The following RASGRP1 variants were observed in gnomAD, a reference collection of about 807,000 sequenced individuals.
RASGRP1 encodes RAS guanyl releasing protein 1, also known as RAS guanyl-releasing protein 1.
A neutral mutation model predicts 95.1 loss-of-function variants in RASGRP1; 37 were observed. The observed-to-expected ratio is 0.39, with a 90% confidence interval of 0.30 to 0.51. The LOEUF (loss-of-function observed/expected upper bound fraction) is 0.51. RASGRP1 is among the 20% of genes least tolerant of loss of function. The pLI is 0.80. For missense variants in RASGRP1, 711 were observed against 965.4 expected (o/e 0.74, Z 3.49); for synonymous variants, 325 against 353.4 (o/e 0.92, Z 0.90).
At chr15:38,497,283 T>G (rs567163503) in intron 15 of RASGRP1, among the ~76,000 whole-genome samples, 41 of 152,156 alleles carry the variant, frequency 2.7e-4, no homozygotes, top group Non-Finnish European at 5.4e-4. Context: ...CATGTTACCC[T>G]TTTTTAAATA....
intron 11 of RASGRP1, 119 bp downstream of exon 11, chr15:38,503,153 G>A: frequency 1.3e-6 from 1 of 745,822 alleles, no homozygotes; most frequent in East Asian, 2.7e-5. Flanking sequence ...AGAGAAGTAA[G>A]TGGTTCAAGT....
In RASGRP1 at chr15:38,536,283, C is replaced by A. The variant is rs576643826; in HGVS notation, c.221-9879G>T. On this transcript the variant is annotated intron_variant, in intron 2 of 16. Transcript: ENST00000310803. Reference sequence around the variant, plus strand: ...GCAAGGGAAGAAGGAGCAGCGGGGCCCTGTCCTAGCTTCCCAGAAGGACAC... The same window carrying A: ...GCAAGGGAAGAAGGAGCAGCGGGGCACTGTCCTAGCTTCCCAGAAGGACAC... Among the ~76,000 whole-genome samples the A allele has an allele frequency of 7.2e-5, 11 of 152,300 alleles. No homozygotes were observed. In the East Asian group the frequency reaches 1.9e-3, roughly 27 times the overall value.
At chr15:38,545,866 A>G (rs989778105) in intron 2 of RASGRP1, among the ~76,000 whole-genome samples, 1 of 152,228 alleles carries the variant, frequency 6.6e-6, no homozygotes, top group African/African-American at 2.4e-5. Context: ...TTGGATTTCC[A>G]TCATTGTCCT....
At chr15:38,552,338 A>C (rs1427668123) in intron 2 of RASGRP1, among the ~76,000 whole-genome samples, 1 of 152,234 alleles carries the variant, frequency 6.6e-6, no homozygotes, top group Non-Finnish European at 1.5e-5. Context: ...TAGAAGTCTC[A>C]GCTTTTAGGG....
chr15:38,501,024 GTGTC>G lies in RASGRP1; in HGVS notation c.1683+115_1683+118del, dbSNP rs1480357410. On this transcript the variant is annotated intron_variant, in intron 13 of 16. Transcript: ENST00000310803. ...ACGCTTGAGCTCTAGGTTATTCTAG[GTGTC>G]TGTCTGGGCTCCAAGCTGGGATGGG... 16 of 1,177,724 alleles carry G rather than the reference GTGTC, an allele frequency of 1.4e-5. No homozygotes were observed. The African/African-American group carries it at 1.5e-4, about 11-fold the overall frequency. 73.0% of individuals were successfully genotyped at this position (1,177,724 alleles called of 1,614,324 possible).
At chr15:38,556,660 T>C (rs1893565203) in intron 2 of RASGRP1, among the ~76,000 whole-genome samples, 1 of 152,256 alleles carries the variant, frequency 6.6e-6, no homozygotes, top group African/African-American at 2.4e-5. Context: ...TTTGTGGCTA[T>C]TGCACACTTC....
At chr15:38,510,003 A>G (rs1338370274) in intron 8 of RASGRP1, among the ~76,000 whole-genome samples, 3 of 152,170 alleles carry the variant, frequency 2.0e-5, no homozygotes, top group Non-Finnish European at 2.9e-5. Flanking sequence ...ACCTCTACCA[A>G]TGGTGCAGGT....
chr15:38,540,815 C>T lies in RASGRP1; in HGVS notation c.221-14411G>A, dbSNP rs1221967350. ...AAACTTAGGTTAAAATTCAAAAAGC[C>T]TTTTTAGGTTTTTGTTTTATTTAGC... On this transcript the variant is annotated intron_variant, in intron 2 of 16. Coordinates refer to ENST00000310803, the MANE Select transcript of RASGRP1 (RefSeq NM_005739.4). Among the ~76,000 whole-genome samples, 4 of 152,180 alleles carry T rather than the reference C, an allele frequency of 2.6e-5. No homozygotes were observed. In the South Asian group the frequency reaches 6.2e-4, roughly 24 times the overall value.
intron 2 of RASGRP1, among the ~76,000 whole-genome samples, chr15:38,531,884 G>C (rs1420355422): frequency 6.6e-6 from 1 of 152,102 alleles, no homozygotes; most frequent in African/African-American, 2.4e-5. Flanking sequence ...ATAAGCTCCA[G>C]CTCTATACAA....
intron 1 of RASGRP1, among the ~76,000 whole-genome samples, chr15:38,562,143 C>T (rs1208067776): frequency 6.6e-6 from 1 of 152,196 alleles, no homozygotes; most frequent in African/African-American, 2.4e-5. Context: ...CTGCACATTT[C>T]ACAACATCAG....
chr15:38,506,875 C>T (rs1891280890), intron 9 of RASGRP1, among the ~76,000 whole-genome samples: 1 of 152,162 alleles, frequency 6.6e-6, no homozygotes, highest in African/African-American at 2.4e-5. Context: ...TTAAGATTCA[C>T]TCCATGTTTT....
intron 15 of RASGRP1, among the ~76,000 whole-genome samples, chr15:38,496,951 G>A (rs1385887381): frequency 1.3e-5 from 2 of 152,138 alleles, no homozygotes; most frequent in African/African-American, 2.4e-5. Flanking sequence ...AACGATAGTG[G>A]CCTTACCACT....
In RASGRP1 at chr15:38,559,992, C is replaced by T; in HGVS notation, c.49G>A (p.Gly17Ser). Residue 17 changes from glycine (G) to serine (S), a missense_variant, in exon 2 of 17, where the codon GGC becomes AGC. Physicochemically the swap from Gly to Ser is moderately conservative, Grantham distance 56. This residue lies in a region of RASGRP1 where 491 missense variants were observed against 676.6 expected (regional missense o/e 0.73). Transcript: ENST00000310803. ...AREAPRKPSH[G>S]CRAASKARLE... ...CTTGCTTTAGAGGCAGCTCTGCAGC[C>T]ATGGGAAGGTTTCCTGGGGAAAGAG... 1 of 1,611,748 alleles carries T rather than the reference C, an allele frequency of 6.2e-7. No homozygotes were observed. Among genetic ancestry groups the T allele is most frequent in the Non-Finnish European group, 8.5e-7 (1 of 1,178,898 alleles).
intron 16 of RASGRP1, among the ~76,000 whole-genome samples, chr15:38,491,637 T>C (rs147006152): frequency 0.01 from 1,573 of 152,310 alleles, 33 homozygotes; most frequent in African/African-American, 0.036. Context: ...TTGTAAATAC[T>C]GATTTAATTT....
intron 2 of RASGRP1, 66 bp from the exon 3 acceptor site, chr15:38,526,470 TG>T: frequency 8.1e-7 from 1 of 1,229,940 alleles, no homozygotes; most frequent in African/African-American, 1.5e-5. Context: ...GGTAGACACC[TG>T]CAAACCCTCT....
intron 1 of RASGRP1, among the ~76,000 whole-genome samples, chr15:38,561,972 C>A (rs1234934311): frequency 6.6e-6 from 1 of 152,070 alleles, no homozygotes; most frequent in East Asian, 1.9e-4. Flanking sequence ...GGCTTACAGC[C>A]CAGAAGGATG....
intron 2 of RASGRP1, among the ~76,000 whole-genome samples, chr15:38,558,208 A>G (rs1893649605): frequency 6.6e-6 from 1 of 152,188 alleles, no homozygotes; most frequent in Non-Finnish European, 1.5e-5. Flanking sequence ...TTGGGAAGGA[A>G]GTGAGAGTGG....
intron 6 of RASGRP1, among the ~76,000 whole-genome samples, chr15:38,513,803 T>C (rs927153431): frequency 5.9e-5 from 9 of 152,240 alleles, no homozygotes; most frequent in Non-Finnish European, 5.9e-5. Flanking sequence ...TTGGTGCTTT[T>C]CCCCAATTAT....
intron 2 of RASGRP1, among the ~76,000 whole-genome samples, chr15:38,555,676 GC>G (rs11348849): frequency 0.38 from 57,296 of 152,026 alleles, 12,078 homozygotes; most frequent in East Asian, 0.58. Flanking sequence ...TATCTGACCT[GC>G]CTATTTCAGA....
Sources: allele counts gnomAD v4.1 joint callset (sites outside exome capture counted in the v4.1 genomes callset), GRCh38; gene constraint gnomAD v4.1.1; regional missense constraint gnomAD v4.1.1; transcripts MANE v1.5; gene names NCBI Gene and HGNC (gene_info 2026-07-23, HGNC 2026-07-21).